GPC4: variants seen among roughly 807,000 people sequenced by gnomAD.
GPC4 encodes the protein glypican-4.
In GPC4, 10 loss-of-function variants were observed where a neutral mutation model predicts 35.0. That is an observed-to-expected ratio of 0.29 (90% confidence interval 0.18 to 0.48). GPC4 has a LOEUF of 0.48. Ranked by LOEUF, GPC4 falls within the 20% of genes least tolerant of loss-of-function variation. The probability of loss-of-function intolerance (pLI) is 0.99; values close to 1 mark genes in which losing one functional copy is unlikely to be tolerated. For missense variants in GPC4, 322 were observed against 451.3 expected (o/e 0.71, Z 2.60); for synonymous variants, 167 against 170.2 (o/e 0.98, Z 0.15).
intron 1 of GPC4, among the ~76,000 whole-genome samples, chrX:133,340,221 G>A (rs1057411847): frequency 9.1e-6 from 1 of 110,132 alleles, no homozygotes; most frequent in Admixed American, 9.7e-5. Context: ...ATGCCCCAGA[G>A]TTCCCCCCCT....
intron 2 of GPC4, among the ~76,000 whole-genome samples, chrX:133,325,262 T>C (rs925140989): frequency 9.1e-6 from 1 of 109,825 alleles, no homozygotes; most frequent in Non-Finnish European, 1.9e-5. Context: ...TTCCTTCTGA[T>C]AGTGTGTGTG....
intron 2 of GPC4, among the ~76,000 whole-genome samples, chrX:133,335,848 T>C (rs746386692): frequency 8.9e-6 from 1 of 112,491 alleles, no homozygotes; most frequent in Non-Finnish European, 1.9e-5. Context: ...GTTTTGATGA[T>C]AGACAAAGTT....
chrX:133,302,655 TG>T lies in GPC4; in HGVS notation c.*211del. 1 of 426,871 alleles carries T rather than the reference TG, an allele frequency of 2.3e-6. No individual in the cohort carries two copies. Among genetic ancestry groups the T allele is most frequent in the East Asian group, 3.8e-5 (1 of 26,360 alleles). 35.2% of individuals were successfully genotyped at this position (426,871 alleles called of 1,213,427 possible). The stretch of plus-strand genomic sequence containing the variant: ...ACTGTTAGCCACGTTTAACATGGTT[TG>T]GGGGAGCAGGAACCAACTCAATGCA... On this transcript the variant is annotated 3_prime_UTR_variant, in exon 9 of 9. Transcript: ENST00000370828.
chrX:133,369,873 C>T (rs1159158450), intron 1 of GPC4, among the ~76,000 whole-genome samples: 1 of 110,715 alleles, frequency 9.0e-6, no homozygotes, highest in Admixed American at 9.7e-5. Context: ...TATTAACAAC[C>T]CACCATTCAA....
chrX:133,381,221 T>C (rs1165701750), intron 1 of GPC4, among the ~76,000 whole-genome samples: 2 of 112,324 alleles, frequency 1.8e-5, no homozygotes, highest in Non-Finnish European at 3.8e-5. Flanking sequence ...AAGGAACATA[T>C]GCTCAAGAAT....
At chrX:133,407,310 A>G (rs2124185764) in intron 1 of GPC4, among the ~76,000 whole-genome samples, 1 of 111,084 alleles carries the variant, frequency 9.0e-6, no homozygotes. Flanking sequence ...TTAGGCTAGA[A>G]CTACTCATCC....
rs180928255 is a variant in GPC4 at position 133,341,467 on chromosome X, G to A, written c.161-2126C>T. On this transcript the variant is annotated intron_variant, in intron 1 of 8. Transcript: ENST00000370828. Reference sequence around the variant, plus strand: ...ATAAGCTAAAATTCATCATAGGATAGGCTGTTTTTTCAAGCACCTGCAAAG... The same window carrying A: ...ATAAGCTAAAATTCATCATAGGATAAGCTGTTTTTTCAAGCACCTGCAAAG... Among the ~76,000 whole-genome samples the A allele has an allele frequency of 3.1e-3, 344 of 111,760 alleles. 2 individuals are homozygous for A. Among genetic ancestry groups the A allele is most frequent in the Middle Eastern group, 4.6e-3 (1 of 217 alleles).
At chrX:133,407,211 C>T (rs192467997) in intron 1 of GPC4, among the ~76,000 whole-genome samples, 1 of 111,151 alleles carries the variant, frequency 9.0e-6, no homozygotes, top group East Asian at 2.8e-4. Flanking sequence ...ATTTTAAAAG[C>T]TCCTCAGGTG....
At chrX:133,413,075 A>G (rs986760389) in intron 1 of GPC4, among the ~76,000 whole-genome samples, 9 of 112,721 alleles carry the variant, frequency 8.0e-5, no homozygotes, top group Admixed American at 2.8e-4. Context: ...GCAGGGCACA[A>G]AGACCCCAGG....
intron 1 of GPC4, among the ~76,000 whole-genome samples, chrX:133,376,386 C>T (rs775896962): frequency 1.8e-5 from 2 of 112,711 alleles, no homozygotes; most frequent in Admixed American, 1.9e-4. Flanking sequence ...CCATATCTGA[C>T]ATCATTATCC....
At chrX:133,318,584 C>T (rs1034012419) in intron 3 of GPC4, among the ~76,000 whole-genome samples, 3 of 111,943 alleles carry the variant, frequency 2.7e-5, no homozygotes, top group Non-Finnish European at 3.8e-5. Flanking sequence ...TAGGTGTAGA[C>T]ATAGTCCCAT....
At chrX:133,369,587 T>C (rs200344268) in intron 1 of GPC4, among the ~76,000 whole-genome samples, 1 of 112,424 alleles carries the variant, frequency 8.9e-6, no homozygotes, top group East Asian at 2.8e-4. Context: ...GAATTTAAAC[T>C]GAATTAAACA....
intron 1 of GPC4, among the ~76,000 whole-genome samples, chrX:133,353,956 T>A (rs1164568059): frequency 2.7e-5 from 3 of 111,713 alleles, no homozygotes; most frequent in South Asian, 3.8e-4. Flanking sequence ...TTATTGACTA[T>A]AATTATCATG....
chrX:133,301,988 A>G lies in GPC4; in HGVS notation c.*879T>C, dbSNP rs868678365. On this transcript the variant is annotated 3_prime_UTR_variant, in exon 9 of 9. Transcript: ENST00000370828. ...TGGGCTAGCTAACCTGCCTGGTTTT[A>G]AAAAAAAACACCCCTAAACCCAAGT... The G allele has an allele frequency of 9.6e-6, 1 of 104,584 alleles. No individual in the cohort carries two copies. Among genetic ancestry groups the G allele is most frequent in the Non-Finnish European group, 2.0e-5 (1 of 49,446 alleles). 8.6% of individuals were successfully genotyped at this position (104,584 alleles called of 1,213,427 possible). A position where few individuals can be genotyped will look rare whatever the true frequency, so the allele number is the denominator to read the frequency against.
intron 1 of GPC4, among the ~76,000 whole-genome samples, chrX:133,405,791 G>A (rs1420199581): frequency 8.9e-6 from 1 of 112,617 alleles, no homozygotes; most frequent in Non-Finnish European, 1.9e-5. Flanking sequence ...TAATTTGAAT[G>A]CAAGTTCCTC....
intron 4 of GPC4, 67 bp downstream of exon 4, chrX:133,311,191 A>G (rs2068312640): frequency 9.2e-7 from 1 of 1,082,437 alleles, no homozygotes; most frequent in Non-Finnish European, 1.3e-6. Context: ...GCTGCCAATT[A>G]CAACATTCCT....
intron 1 of GPC4, among the ~76,000 whole-genome samples, chrX:133,404,504 G>A (rs551529963): frequency 1.1e-5 from 1 of 87,314 alleles, no homozygotes; most frequent in Non-Finnish European, 2.1e-5. Flanking sequence ...TGGAGAATGC[G>A]CCATTGCACT....
intron 1 of GPC4, among the ~76,000 whole-genome samples, chrX:133,389,270 T>A (rs2068708078): frequency 9.0e-6 from 1 of 111,505 alleles, no homozygotes; most frequent in Non-Finnish European, 1.9e-5. Flanking sequence ...CCAATTTTAA[T>A]ATAAGGTAGA....
intron 1 of GPC4, among the ~76,000 whole-genome samples, chrX:133,383,882 C>T (rs2068675417): frequency 9.0e-6 from 1 of 111,704 alleles, no homozygotes; most frequent in Non-Finnish European, 1.9e-5. Flanking sequence ...AACTTACAGA[C>T]TTTGGGTGAT....
Sources: gnomAD v4.1 joint callset for allele counts (sites outside exome capture counted in the v4.1 genomes callset) on GRCh38, gnomAD v4.1.1 for gene constraint, MANE v1.5 for transcripts, NCBI Gene and HGNC (gene_info 2026-07-23, HGNC 2026-07-21) for gene names.